SUGCT: variants seen among roughly 807,000 people sequenced by gnomAD.
SUGCT encodes the protein succinyl-CoA:glutarate CoA-transferase.
SUGCT carries 41 observed loss-of-function variants against 55.0 expected under a neutral mutation model. The observed-to-expected ratio is 0.74, with a 90% CI of 0.58 to 0.97. The LOEUF (loss-of-function observed/expected upper bound fraction) is 0.97. Ranked by LOEUF, SUGCT falls within the 50% of genes least tolerant of loss-of-function variation. The pLI, the probability that SUGCT is intolerant of heterozygous loss-of-function variation, is 0.00. For synonymous variants in SUGCT, 187 were observed against 200.4 expected (o/e 0.93, Z 0.56); for missense variants, 568 against 547.8 (o/e 1.04, Z -0.37).
At chr7:40,876,024 C>T in the SUGCT span, among the ~76,000 whole-genome samples, 1 of 152,206 alleles carries the variant, frequency 6.6e-6, no homozygotes, top group African/African-American at 2.4e-5. Flanking sequence ...GGAAAAGAAC[C>T]TGGGTTTTGG....
At chr7:40,218,966 A>G (rs1787850371) in intron 6 of SUGCT, among the ~76,000 whole-genome samples, 2 of 152,190 alleles carry the variant, frequency 1.3e-5, no homozygotes, top group African/African-American at 4.8e-5. Flanking sequence ...TGTGCCAGCT[A>G]CATTCTTTCG....
intron 8 of SUGCT, among the ~76,000 whole-genome samples, chr7:40,294,084 A>G (rs1442772096): frequency 6.6e-6 from 1 of 152,006 alleles, no homozygotes; most frequent in Non-Finnish European, 1.5e-5. Flanking sequence ...AGTAGCTGGG[A>G]TTACAGGCAC....
At chr7:40,887,090 G>A in the SUGCT span, among the ~76,000 whole-genome samples, 3 of 152,204 alleles carry the variant, frequency 2.0e-5, no homozygotes, top group African/African-American at 7.2e-5. Context: ...GGACCTCAAG[G>A]TGGAAAAGAG....
the SUGCT span, among the ~76,000 whole-genome samples, chr7:40,991,908 A>G: frequency 6.6e-6 from 1 of 152,046 alleles, no homozygotes; most frequent in African/African-American, 2.4e-5. Flanking sequence ...AACAGTGGTG[A>G]GGGGAACATC....
At chr7:40,983,366 T>A in the SUGCT span, among the ~76,000 whole-genome samples, 1 of 152,216 alleles carries the variant, frequency 6.6e-6, no homozygotes, top group Non-Finnish European at 1.5e-5. Context: ...TATTACTTTC[T>A]TTCTCTCCCC....
the SUGCT span, among the ~76,000 whole-genome samples, chr7:40,886,863 A>G: frequency 1.8e-4 from 28 of 152,356 alleles, no homozygotes; most frequent in East Asian, 5.0e-3. Context: ...AGAAAAGTCT[A>G]TTTATATGAG....
intron 12 of SUGCT, among the ~76,000 whole-genome samples, chr7:40,614,085 A>G (rs6462986): frequency 0.94 from 143,643 of 152,172 alleles, 67,949 homozygotes; most frequent in Middle Eastern, 0.99. Context: ...CCCTGAGGTC[A>G]GGGTAGAAGA....
chr7:40,532,746 A>G (rs535736036), intron 12 of SUGCT, among the ~76,000 whole-genome samples: 66 of 152,304 alleles, frequency 4.3e-4, no homozygotes, highest in Non-Finnish European at 7.4e-4. Flanking sequence ...ATAAAGTAAC[A>G]TACTGATTCC....
At chr7:40,171,250 C>A (rs1784656966) in intron 1 of SUGCT, among the ~76,000 whole-genome samples, 1 of 152,174 alleles carries the variant, frequency 6.6e-6, no homozygotes, top group Admixed American at 6.5e-5. Context: ...AGAAGAAGAG[C>A]AAGGAGAAAA....
intron 7 of SUGCT, among the ~76,000 whole-genome samples, chr7:40,242,580 C>T (rs923351567): frequency 1.3e-5 from 2 of 151,924 alleles, no homozygotes; most frequent in Non-Finnish European, 2.9e-5. Flanking sequence ...GTAGCCTGTA[C>T]TCTTTCCACT....
At chr7:40,604,256 A>G (rs999088487) in intron 12 of SUGCT, among the ~76,000 whole-genome samples, 2 of 152,142 alleles carry the variant, frequency 1.3e-5, no homozygotes, top group Non-Finnish European at 2.9e-5. Context: ...CAGACAAGCA[A>G]TCTCCCTGCA....
intron 12 of SUGCT, among the ~76,000 whole-genome samples, chr7:40,514,173 G>T (rs892812373): frequency 1.3e-5 from 2 of 151,596 alleles, no homozygotes; most frequent in African/African-American, 2.4e-5. Context: ...AGAAACTTAT[G>T]CATAGAAAAG....
At chr7:40,839,559 T>G (rs1793169064) in intron 13 of SUGCT, among the ~76,000 whole-genome samples, 1 of 152,212 alleles carries the variant, frequency 6.6e-6, no homozygotes. Context: ...TTTAGAAAAT[T>G]TTAAATTATG....
chr7:40,920,083 ACCT>A, the SUGCT span, among the ~76,000 whole-genome samples: 11 of 148,066 alleles, frequency 7.4e-5, no homozygotes, highest in Non-Finnish European at 1.5e-4. Context: ...ACCTTCTTCC[ACCT>A]CCTCTACTTG....
chr7:40,511,138 T>C (rs1422044660), intron 12 of SUGCT, among the ~76,000 whole-genome samples: 1 of 152,214 alleles, frequency 6.6e-6, no homozygotes, highest in East Asian at 1.9e-4. Context: ...ATAACCTTAC[T>C]GTGGAAGAAT....
chr7:40,445,453 A>G (rs968917065), intron 9 of SUGCT, among the ~76,000 whole-genome samples: 1 of 152,204 alleles, frequency 6.6e-6, no homozygotes, highest in Admixed American at 6.5e-5. Context: ...ACCAGGAAGA[A>G]GTTGAATCCC....
At position 40,739,566 on chromosome 7, in the gene SUGCT, G is replaced by A. The variant is rs564260830; in HGVS notation, c.1090-9868G>A. On this transcript the variant is annotated intron_variant, in intron 12 of 13. Transcript: ENST00000335693. Reference sequence around the variant, plus strand: ...CATTTTCCATTTAAATCTATGATCCGTTTTGAATTAATTTTTTACAATGTG... The same window carrying A: ...CATTTTCCATTTAAATCTATGATCCATTTTGAATTAATTTTTTACAATGTG... Among the ~76,000 whole-genome samples, 155 of 151,720 alleles carry A rather than the reference G, an allele frequency of 1.0e-3. 5 individuals carry two copies. The South Asian group carries it at 0.028, about 28-fold the overall frequency.
At chr7:40,139,144 A>C (rs1165931115) in intron 1 of SUGCT, among the ~76,000 whole-genome samples, 62 of 149,128 alleles carry the variant, frequency 4.2e-4, no homozygotes, top group African/African-American at 1.1e-3. Context: ...ATAAATAAAT[A>C]AATAAATAAA....
intron 13 of SUGCT, among the ~76,000 whole-genome samples, chr7:40,761,956 A>G (rs543319449): frequency 2.4e-4 from 36 of 152,272 alleles, no homozygotes; most frequent in African/African-American, 8.4e-4. Context: ...ACCCATGAAC[A>G]CTGGGCGGGA....
Sources: allele counts gnomAD v4.1 joint callset (sites outside exome capture counted in the v4.1 genomes callset), GRCh38; gene constraint gnomAD v4.1.1; transcripts MANE v1.5; gene names NCBI Gene and HGNC (gene_info 2026-07-23, HGNC 2026-07-21).